Variants in NRG3 observed in about 807,000 individuals in gnomAD.
The protein encoded by NRG3 is neuregulin 3, also known as pro-neuregulin-3, membrane-bound isoform.
NRG3 carries 31 observed loss-of-function variants against 66.9 expected under a neutral mutation model. The ratio of observed to expected loss-of-function variants is 0.46; its 90% CI spans 0.35 to 0.63. The LOEUF (loss-of-function observed/expected upper bound fraction) is 0.63, where lower values mean the gene tolerates loss of function less well. Among genes scored for constraint, NRG3 ranks in the 20% least tolerant of loss-of-function variants. The probability of loss-of-function intolerance (pLI) is 0.00; values close to 1 mark genes in which losing one functional copy is unlikely to be tolerated. For synonymous variants in NRG3, 393 were observed against 359.4 expected (o/e 1.09, Z -1.06); for missense variants, 910 against 878.9 (o/e 1.04, Z -0.45).
At chr10:82,243,385 A>G (rs574726015) in intron 1 of NRG3, among the ~76,000 whole-genome samples, 8 of 152,294 alleles carry the variant, frequency 5.3e-5, no homozygotes, top group African/African-American at 1.9e-4. Flanking sequence ...TCAAAGAAAT[A>G]ATAAAAGAAA....
rs774432022 is a variant in NRG3, at chr10:82,978,973, C to G, written c.1436C>G (p.Pro479Arg). The G allele has an allele frequency of 6.2e-7, 1 of 1,613,874 alleles. No individual in the cohort carries two copies. Among genetic ancestry groups the G allele is most frequent in the South Asian group, 1.1e-5 (1 of 91,064 alleles). ...HHRSLSSCCS[P>R]GQRSGMLHRN... Reference sequence around the variant, plus strand: ...AGGAGTCTATCCTCTTGCTGCAGCCCAGGGCAAAGAAGTGGCATGCTCCAT... The same window carrying G: ...AGGAGTCTATCCTCTTGCTGCAGCCGAGGGCAAAGAAGTGGCATGCTCCAT... Residue 479 changes from proline to arginine, a missense_variant, in exon 8 of 9, where the codon CCA becomes CGA. Physicochemically the swap from Pro to Arg is moderately radical, Grantham distance 103. Coordinates refer to ENST00000372141, the MANE Select transcript of NRG3 (RefSeq NM_001010848.4).
chr10:82,409,347 G>A (rs938458851), intron 2 of NRG3, among the ~76,000 whole-genome samples: 15 of 152,150 alleles, frequency 9.9e-5, no homozygotes, highest in African/African-American at 3.6e-4. Context: ...TTTGGATAAT[G>A]CTTGTGTATA....
intron 1 of NRG3, among the ~76,000 whole-genome samples, chr10:82,160,917 T>C (rs2071545269): frequency 6.6e-6 from 1 of 151,902 alleles, no homozygotes; most frequent in South Asian, 2.1e-4. Flanking sequence ...TAAAATTATA[T>C]TGGAAAAATT....
intron 1 of NRG3, chr10:82,228,982 A>G (rs1174043760): frequency 6.6e-6 from 1 of 152,284 alleles, no homozygotes; most frequent in African/African-American, 2.4e-5. Context: ...ACTCCTTCGG[A>G]AGCAGTCCTG....
At chr10:82,678,304 G>A (rs1292023781) in intron 2 of NRG3, among the ~76,000 whole-genome samples, 1 of 152,130 alleles carries the variant, frequency 6.6e-6, no homozygotes, top group Non-Finnish European at 1.5e-5. Flanking sequence ...AAGGGAGATA[G>A]GGGTGGGACC....
intron 1 of NRG3, among the ~76,000 whole-genome samples, chr10:82,248,131 A>G (rs1175460402): frequency 2.6e-5 from 4 of 152,178 alleles, no homozygotes; most frequent in Non-Finnish European, 5.9e-5. Context: ...ACCCTGCTCT[A>G]AAACTACTGA....
chr10:82,364,545 A>G (rs1425516801), intron 2 of NRG3, among the ~76,000 whole-genome samples: 1 of 152,164 alleles, frequency 6.6e-6, no homozygotes, highest in Non-Finnish European at 1.5e-5. Context: ...AATATACTGC[A>G]CTAGATTGAA....
At chr10:82,436,813 A>G (rs1300804883) in intron 2 of NRG3, among the ~76,000 whole-genome samples, 2 of 152,184 alleles carry the variant, frequency 1.3e-5, no homozygotes, top group African/African-American at 4.8e-5. Flanking sequence ...TTTGCTGGAT[A>G]TGAAATTCTG....
intron 2 of NRG3, among the ~76,000 whole-genome samples, chr10:82,679,252 A>G (rs1046942493): frequency 1.3e-5 from 2 of 152,222 alleles, no homozygotes; most frequent in Non-Finnish European, 2.9e-5. Context: ...GCCAAGGTCT[A>G]TTATAAAACT....
chr10:82,960,735 C>T (rs957606741), intron 6 of NRG3, among the ~76,000 whole-genome samples: 3 of 152,092 alleles, frequency 2.0e-5, no homozygotes, highest in South Asian at 2.1e-4. Context: ...TAACTGGTGA[C>T]ATTACCTTGT....
chr10:82,234,925 G>T (rs533697499), intron 1 of NRG3, among the ~76,000 whole-genome samples: 44 of 152,358 alleles, frequency 2.9e-4, no homozygotes, highest in Non-Finnish European at 5.6e-4. Context: ...GTGTAATCGG[G>T]ATGTGTTTGT....
intron 2 of NRG3, among the ~76,000 whole-genome samples, chr10:82,375,417 G>C (rs1049325343): frequency 2.2e-4 from 33 of 152,046 alleles, no homozygotes; most frequent in Non-Finnish European, 4.4e-4. Flanking sequence ...GGTGCCTGTA[G>C]TCCCAGCTAC....
chr10:82,939,067 G>A (rs1022909621), intron 4 of NRG3, among the ~76,000 whole-genome samples: 2 of 152,204 alleles, frequency 1.3e-5, no homozygotes, highest in Non-Finnish European at 2.9e-5. Context: ...ATTTGTGGAA[G>A]AAATAGCACT....
At position 82,932,062 on chromosome 10, in the gene NRG3, G is replaced by A. The variant is rs942553419; in HGVS notation, c.1055-19407G>A. Among the ~76,000 whole-genome samples, 31 of 152,178 alleles carry A rather than the reference G, an allele frequency of 2.0e-4. 1 individual carries two copies. Among genetic ancestry groups the A allele is most frequent in the South Asian group, 6.2e-4 (3 of 4,828 alleles). On this transcript the variant is annotated intron_variant, in intron 4 of 8. Transcript: ENST00000372141. ...CCACCTGCCCATGGGAAGGACCACA[G>A]GGATCTTGTGCAGCATCCCCAAATC...
chr10:82,736,617 G>A (rs2058167813), intron 2 of NRG3, among the ~76,000 whole-genome samples: 1 of 152,212 alleles, frequency 6.6e-6, no homozygotes, highest in Admixed American at 6.5e-5. Flanking sequence ...GATACCCCAT[G>A]AGGCCTGAGC....
chr10:82,073,526 TGACCTACA>T (rs2064923646), intron 1 of NRG3, among the ~76,000 whole-genome samples: 4 of 152,226 alleles, frequency 2.6e-5, no homozygotes, highest in Non-Finnish European at 5.9e-5. Context: ...TCTGTGCCAG[TGACCTACA>T]TTTTTGTCTC....
intron 1 of NRG3, among the ~76,000 whole-genome samples, chr10:82,025,008 TG>T (rs1316781225): frequency 6.6e-6 from 1 of 152,070 alleles, no homozygotes; most frequent in Non-Finnish European, 1.5e-5. Flanking sequence ...CAGTTGAACA[TG>T]TTGTGATTTA....
Position 82,967,545 on chromosome 10 carries a change from C to G in NRG3, c.1285-6243C>G, listed in dbSNP as rs563799783. Among the ~76,000 whole-genome samples, 39 of 152,262 alleles carry G rather than the reference C, an allele frequency of 2.6e-4. No individual in the cohort carries two copies. The South Asian group carries it at 2.7e-3, about 11-fold the overall frequency. ...TTAATGGCTAGGCGGTGCATTTGGG[C>G]GGTAGTTTTGCCTTTAGTCTGCTGA... On this transcript the variant is annotated intron_variant, in intron 6 of 8. Coordinates refer to ENST00000372141, the MANE Select transcript of NRG3 (RefSeq NM_001010848.4).
rs563720104 is a variant in NRG3 at position 82,053,603 on chromosome 10, C to T, written c.823+177440C>T. On this transcript the variant is annotated intron_variant, in intron 1 of 8. Coordinates refer to ENST00000372141, the MANE Select transcript of NRG3 (RefSeq NM_001010848.4). Reference sequence around the variant, plus strand: ...TTCCTAGCATCATCTCTACAACTTTCAGGAGAGCATGAGTTTTTAATGGAC... The same window carrying T: ...TTCCTAGCATCATCTCTACAACTTTTAGGAGAGCATGAGTTTTTAATGGAC... Among the ~76,000 whole-genome samples, 41 of 150,710 alleles carry T rather than the reference C, an allele frequency of 2.7e-4. No homozygotes were observed. The South Asian group carries it at 3.3e-3, about 12-fold the overall frequency.
Sources: allele counts gnomAD v4.1 joint callset (sites outside exome capture counted in the v4.1 genomes callset), GRCh38; gene constraint gnomAD v4.1.1; transcripts MANE v1.5; gene names NCBI Gene and HGNC (gene_info 2026-07-23, HGNC 2026-07-21).